The following TASOR variants were observed in gnomAD, a reference collection of about 807,000 sequenced individuals.
TASOR encodes the protein transcription activation suppressor.
TASOR carries 53 observed loss-of-function variants against 178.6 expected under a neutral mutation model. The observed-to-expected ratio is 0.30, with a 90% CI of 0.24 to 0.37. The LOEUF is 0.37. Among genes scored for constraint, TASOR ranks in the 10% least tolerant of loss-of-function variants. The probability of loss-of-function intolerance (pLI) is 1.00; values close to 1 mark genes in which losing one functional copy is unlikely to be tolerated. For synonymous variants in TASOR, 713 were observed against 696.2 expected, an observed-to-expected ratio of 1.02 and a Z score of -0.38; for missense variants, 1,815 against 1,971.4, an observed-to-expected ratio of 0.92 and a Z score of 1.50.
intron 5 of TASOR, among the ~76,000 whole-genome samples, chr3:56,669,490 G>C (rs778731896): frequency 2.0e-5 from 3 of 152,078 alleles, no homozygotes; most frequent in Admixed American, 6.6e-5. Context: ...CTGGGCAACA[G>C]AGCGAGACTC....
chr3:56,650,494 G>A (rs563744034), intron 11 of TASOR, among the ~76,000 whole-genome samples: 1 of 152,228 alleles, frequency 6.6e-6, no homozygotes, highest in African/African-American at 2.4e-5. Flanking sequence ...TAAAGTCATG[G>A]GGTCAGATGA....
chr3:56,621,830 A>AC lies in TASOR; in HGVS notation c.*1206_*1207insG. On this transcript the variant is annotated 3_prime_UTR_variant, in exon 24 of 24. Coordinates refer to ENST00000683822, the MANE Select transcript of TASOR (RefSeq NM_001365635.2). ...AAAAGCTTAGTAGTAAAAAAAAAAA[A>AC]AAAAAAACCGGTTCTTCTGCTCTGT... The AC allele has an allele frequency of 3.6e-6, 1 of 277,530 alleles. No individual in the cohort carries two copies. The highest frequency in any genetic ancestry group is 5.0e-5 in the Admixed American group (1 of 20,162). The allele number at this position is 277,530 out of a possible 1,614,324, so 17.2% of individuals were successfully genotyped here.
At chr3:56,653,140 A>G (rs1276716678) in intron 11 of TASOR, among the ~76,000 whole-genome samples, 2 of 151,764 alleles carry the variant, frequency 1.3e-5, no homozygotes, top group Non-Finnish European at 2.9e-5. Context: ...GCACACACCT[A>G]CAACCCCAGC....
intron 1 of TASOR, 81 bp downstream of exon 1, chr3:56,682,595 G>A: frequency 7.8e-6 from 10 of 1,288,562 alleles, no homozygotes; most frequent in Non-Finnish European, 1.0e-5. Flanking sequence ...TCGGATGGGT[G>A]TGGGAAGAGG....
intron 9 of TASOR, among the ~76,000 whole-genome samples, chr3:56,661,828 T>C (rs796802901): frequency 1.3e-5 from 2 of 152,106 alleles, no homozygotes; most frequent in South Asian, 4.1e-4. Context: ...CTTAAATCAC[T>C]AAGAAAAAGT....
intron 1 of TASOR, among the ~76,000 whole-genome samples, chr3:56,678,828 T>C (rs2031549010): frequency 6.6e-6 from 1 of 151,678 alleles, no homozygotes; most frequent in African/African-American, 2.4e-5. Context: ...CTGGCCAACA[T>C]GGCAAAATCC....
chr3:56,658,522 T>C lies in TASOR; in HGVS notation c.1368+2209A>G, dbSNP rs528857690. On this transcript the variant is annotated intron_variant, in intron 11 of 23. Coordinates refer to ENST00000683822, the MANE Select transcript of TASOR (RefSeq NM_001365635.2). ...TCACTTTCTGAACTTGGGAACTGAA[T>C]AGATTTTGATGATGAGGAATGCTTG... Among the ~76,000 whole-genome samples the C allele has an allele frequency of 4.6e-4, 70 of 152,284 alleles. 1 individual carries two copies. The highest frequency in any genetic ancestry group is 1.5e-3 in the African/African-American group (63 of 41,568).
chr3:56,623,785 C>A, intron 23 of TASOR: 1 of 1,551,270 alleles, frequency 6.4e-7, no homozygotes, highest in East Asian at 2.4e-5. Flanking sequence ...AATGTGTTCA[C>A]GTTTAATGTT....
chr3:56,671,582 T>G lies in TASOR; in HGVS notation c.570+18A>C, dbSNP rs938886013. On this transcript the variant is annotated intron_variant, in intron 3 of 23. Transcript: ENST00000683822. ...GGAAACATCCCCAAATTGTTTTTTA[T>G]AAAATGCGTTAACTCACCTGGTATC... 1 of 1,516,736 alleles carries G rather than the reference T, an allele frequency of 6.6e-7. No homozygotes were observed. The highest frequency in any genetic ancestry group is 2.1e-5 in the Admixed American group (1 of 46,694). The allele number at this position is 1,516,736 out of a possible 1,614,324, so 94.0% of individuals were successfully genotyped here.
At position 56,627,702 on chromosome 3, in the gene TASOR, T is replaced by A. The variant is rs748425474; in HGVS notation, c.3910A>T (p.Ser1304Cys). Reference sequence around the variant, plus strand: ...TCCAGGCTATCAACACCAGCAAAACTAACACAGGGGAGCTTCTTTAAAGTC... The same window carrying A: ...TCCAGGCTATCAACACCAGCAAAACAAACACAGGGGAGCTTCTTTAAAGTC... ...LVTLKKLPCV[S>C]FAGVDSLDDV... The change falls in exon 20 of 24, where the codon AGT becomes TGT. Residue 1304 changes from serine to cysteine, a missense_variant. By Grantham distance (112) the Ser-to-Cys change is moderately radical. Transcript: ENST00000683822. 4 of 1,613,900 alleles carry A rather than the reference T, an allele frequency of 2.5e-6. No individual in the cohort carries two copies. Among genetic ancestry groups the A allele is most frequent in the South Asian group, 1.1e-5 (1 of 91,072 alleles).
intron 7 of TASOR, among the ~76,000 whole-genome samples, chr3:56,666,021 G>A (rs1001430997): frequency 5.3e-5 from 8 of 152,066 alleles, no homozygotes; most frequent in African/African-American, 1.9e-4. Flanking sequence ...CATTTCTAAG[G>A]AAGAGATTAG....
rs780772662 is a variant in TASOR, at chr3:56,627,606, G to C, written c.4006C>G (p.Leu1336Val). ...GGFIVSDESI[L>V]NPEVVTVENL... ...CCAACTGTGACAACCTCTGGGTTTAGAATTGATTCATCAGATACGATAAAA... is the reference window on the plus strand; with the variant it reads ...CCAACTGTGACAACCTCTGGGTTTACAATTGATTCATCAGATACGATAAAA... Residue 1336 changes from leucine (L) to valine (V), a missense_variant, in exon 20 of 24, where the codon CTA becomes GTA. Physicochemically the swap from Leu to Val is conservative, Grantham distance 32. Coordinates refer to ENST00000683822, the MANE Select transcript of TASOR (RefSeq NM_001365635.2). 19 of 1,614,054 alleles carry C rather than the reference G, an allele frequency of 1.2e-5. 1 individual carries two copies. The South Asian group carries it at 1.9e-4, about 16-fold the overall frequency.
chr3:56,667,046 T>G (rs1415691273), intron 6 of TASOR, among the ~76,000 whole-genome samples: 1 of 152,216 alleles, frequency 6.6e-6, no homozygotes, highest in Non-Finnish European at 1.5e-5. Flanking sequence ...ATAATGTTGT[T>G]ATTGCTCTAA....
chr3:56,682,871 G>GGCC lies in TASOR; in HGVS notation c.133_135dup (p.Gly45dup), dbSNP rs771559537. 3.9e-5 allele frequency: 60 copies of GGCC among 1,548,982 alleles called. No homozygotes were observed. Among genetic ancestry groups the GGCC allele is most frequent in the African/African-American group, 1.5e-4 (11 of 72,736 alleles). On this transcript the variant is annotated inframe_insertion, in exon 1 of 24. Transcript: ENST00000683822. ...CCGCCGCTGGGCTCAGCGATGTTGAGGCCGCCGCCGCCGCCATTTTGTTGG... is the reference window on the plus strand; with the variant it reads ...CCGCCGCTGGGCTCAGCGATGTTGAGGCCGCCGCCGCCGCCGCCATTTTGTTGG...
At chr3:56,670,357 T>A (rs146997940) in intron 3 of TASOR, among the ~76,000 whole-genome samples, 1 of 152,158 alleles carries the variant, frequency 6.6e-6, no homozygotes, top group Non-Finnish European at 1.5e-5. Flanking sequence ...TCCATTTTTC[T>A]TCATTTTAAT....
intron 7 of TASOR, 158 bp from the exon 8 acceptor site, chr3:56,663,730 TA>T: frequency 9.4e-7 from 1 of 1,061,566 alleles, no homozygotes; most frequent in Non-Finnish European, 1.1e-6. Context: ...CAAAGTCTAG[TA>T]AATCCAAGTC....
intron 1 of TASOR, 56 bp from the exon 2 acceptor site, chr3:56,673,781 G>A (rs1488836925): frequency 7.2e-7 from 1 of 1,391,630 alleles, no homozygotes; most frequent in South Asian, 1.5e-5. Context: ...CTTAAATATA[G>A]CTTTTTATAT....
chr3:56,638,809 AC>A, intron 16 of TASOR, 44 bp from the exon 17 acceptor site: 1 of 1,546,460 alleles, frequency 6.5e-7, no homozygotes, highest in South Asian at 1.1e-5. Flanking sequence ...CATTAGTGAT[AC>A]CTACACTAAG....
rs2076315354 is a variant in TASOR, at chr3:56,620,572, C to CA, written c.*2464dup. ...TCATGTACCAATACCCTCTGCATTT[C>CA]AAAATGTTGACTCAGATGTTTTTCC... On this transcript the variant is annotated 3_prime_UTR_variant, in exon 24 of 24. Transcript: ENST00000683822. The CA allele has an allele frequency of 6.6e-6, 1 of 151,970 alleles. No individual in the cohort carries two copies. The highest frequency in any genetic ancestry group is 1.5e-5 in the Non-Finnish European group (1 of 68,018). 9.4% of individuals were successfully genotyped at this position (151,970 alleles called of 1,614,324 possible).
Sources: allele counts gnomAD v4.1 joint callset (sites outside exome capture counted in the v4.1 genomes callset), GRCh38; gene constraint gnomAD v4.1.1; transcripts MANE v1.5; gene names NCBI Gene and HGNC (gene_info 2026-07-23, HGNC 2026-07-21).